Variants in MACROD2 observed in about 807,000 individuals in gnomAD.
MACROD2 encodes ADP-ribose glycohydrolase MACROD2.
A neutral mutation model predicts 70.4 loss-of-function variants in MACROD2; 36 were observed. That is an observed-to-expected ratio of 0.51 (90% CI 0.39 to 0.68). MACROD2 has a LOEUF of 0.68. Ranked by LOEUF, MACROD2 falls within the 30% of genes least tolerant of loss-of-function variation. MACROD2 has a pLI of 0.00. For missense variants in MACROD2, 496 were observed against 538.4 expected (o/e 0.92, Z 0.78); for synonymous variants, 172 against 178.8 (o/e 0.96, Z 0.30).
intron 2 of MACROD2, chr20:14,003,697 T>G (rs1249627124): frequency 8.3e-6 from 4 of 482,122 alleles, no homozygotes; most frequent in Non-Finnish European, 1.7e-5. Context: ...GTCCCCACAG[T>G]GTAACAGGGT....
chr20:15,020,980 A>G (rs1211376037), intron 5 of MACROD2, among the ~76,000 whole-genome samples: 1 of 146,138 alleles, frequency 6.8e-6, no homozygotes, highest in Non-Finnish European at 1.5e-5. Flanking sequence ...ATACATATAC[A>G]CATGTGTGTA....
At chr20:15,201,273 G>A (rs2076653665) in intron 5 of MACROD2, among the ~76,000 whole-genome samples, 1 of 152,036 alleles carries the variant, frequency 6.6e-6, no homozygotes, top group African/African-American at 2.4e-5. Flanking sequence ...TAAGCCAAAT[G>A]ATGAGTGCCC....
chr20:14,033,516 A>C (rs1412771620), intron 2 of MACROD2, among the ~76,000 whole-genome samples: 1 of 152,200 alleles, frequency 6.6e-6, no homozygotes, highest in Admixed American at 6.5e-5. Flanking sequence ...TATTCTATTA[A>C]AACATCCTGT....
chr20:14,686,121 G>A (rs1568738450), intron 5 of MACROD2, among the ~76,000 whole-genome samples: 1 of 152,038 alleles, frequency 6.6e-6, no homozygotes. Flanking sequence ...GCGATGCTTT[G>A]GTCAATGATG....
intron 6 of MACROD2, among the ~76,000 whole-genome samples, chr20:15,324,792 C>T (rs2146177957): frequency 6.6e-6 from 1 of 152,192 alleles, no homozygotes; most frequent in Admixed American, 6.5e-5. Context: ...TGGTCTTTAG[C>T]ACAATTAAAG....
intron 8 of MACROD2, among the ~76,000 whole-genome samples, chr20:15,686,673 G>A (rs538000970): frequency 6.6e-6 from 1 of 152,164 alleles, no homozygotes; most frequent in East Asian, 1.9e-4. Flanking sequence ...AGGAGTTCGA[G>A]ACCAGCCTGG....
chr20:14,573,902 T>C lies in MACROD2; in HGVS notation c.301+80394T>C, dbSNP rs571894184. ...AGAAGAGTTCCAAAGTCCAGAGGAATGGCTTGTTCCAGTTATGGGATCCCT... is the reference window on the plus strand; with the variant it reads ...AGAAGAGTTCCAAAGTCCAGAGGAACGGCTTGTTCCAGTTATGGGATCCCT... On this transcript the variant is annotated intron_variant, in intron 4 of 17. Transcript: ENST00000684519. 2.6e-5 allele frequency among the ~76,000 whole-genome samples: 4 copies of C among 152,276 alleles called. No individual in the cohort carries two copies. In the South Asian group the frequency reaches 8.3e-4, roughly 32 times the overall value.
intron 3 of MACROD2, among the ~76,000 whole-genome samples, chr20:14,483,653 G>A (rs1195859102): frequency 2.0e-5 from 3 of 152,252 alleles, no homozygotes; most frequent in Non-Finnish European, 2.9e-5. Flanking sequence ...TGATCCACCC[G>A]CCTTGGCCTC....
At chr20:14,243,871 A>G (rs911402635) in intron 3 of MACROD2, among the ~76,000 whole-genome samples, 3 of 152,218 alleles carry the variant, frequency 2.0e-5, no homozygotes, top group Non-Finnish European at 4.4e-5. Context: ...GAAATTCCAT[A>G]TAAGTTGTTT....
intron 4 of MACROD2, among the ~76,000 whole-genome samples, chr20:14,674,616 C>T (rs1350523704): frequency 2.0e-5 from 3 of 152,274 alleles, no homozygotes; most frequent in African/African-American, 7.2e-5. Flanking sequence ...CTTTCTACTT[C>T]GTAACACTAC....
chr20:14,411,919 G>A lies in MACROD2; in HGVS notation c.272-81560G>A, dbSNP rs189835091. Among the ~76,000 whole-genome samples the A allele has an allele frequency of 1.1e-3, 167 of 152,050 alleles. 1 individual carries two copies. Among genetic ancestry groups the A allele is most frequent in the African/African-American group, 3.6e-3 (151 of 41,482 alleles). On this transcript the variant is annotated intron_variant, in intron 3 of 17. Coordinates refer to ENST00000684519, the MANE Select transcript of MACROD2 (RefSeq NM_001351661.2). ...CACTCTCTTAAAACCAGTGGAAGAC[G>A]GAATTTTCTATTATTTTATTATACA...
chr20:15,274,386 A>G (rs1331023900), intron 6 of MACROD2, among the ~76,000 whole-genome samples: 2 of 152,192 alleles, frequency 1.3e-5, no homozygotes, highest in African/African-American at 4.8e-5. Flanking sequence ...ACATATGCAA[A>G]TGGTTCTGAG....
At chr20:15,220,313 A>G (rs2076848377) in intron 5 of MACROD2, among the ~76,000 whole-genome samples, 1 of 152,250 alleles carries the variant, frequency 6.6e-6, no homozygotes, top group Non-Finnish European at 1.5e-5. Flanking sequence ...AATCACCCAC[A>G]GATTCACTAA....
chr20:14,760,514 A>G (rs1405639734), intron 5 of MACROD2, among the ~76,000 whole-genome samples: 1 of 152,132 alleles, frequency 6.6e-6, no homozygotes, highest in Non-Finnish European at 1.5e-5. Flanking sequence ...TTATTACTGA[A>G]CACAGTCCTC....
intron 3 of MACROD2, among the ~76,000 whole-genome samples, chr20:14,347,285 A>G (rs2083073700): frequency 6.6e-6 from 1 of 152,208 alleles, no homozygotes; most frequent in African/African-American, 2.4e-5. Context: ...ATTCTCTAGG[A>G]ACATTCATAA....
chr20:15,983,270 T>C lies in MACROD2; in HGVS notation c.986-3457T>C, dbSNP rs147184718. Among the ~76,000 whole-genome samples, 436 of 152,322 alleles carry C rather than the reference T, an allele frequency of 2.9e-3. 4 individuals are homozygous for C. The highest frequency in any genetic ancestry group is 0.025 in the South Asian group (119 of 4,824). Reference sequence around the variant, plus strand: ...ATAGATGTGAGAGTTGAAAGACCTATAAGGGGCTTCTCTGGCTTTACGATG... The same window carrying C: ...ATAGATGTGAGAGTTGAAAGACCTACAAGGGGCTTCTCTGGCTTTACGATG... On this transcript the variant is annotated intron_variant, in intron 13 of 17. Transcript: ENST00000684519.
At chr20:15,981,398 G>C (rs915664434) in intron 13 of MACROD2, among the ~76,000 whole-genome samples, 1 of 152,102 alleles carries the variant, frequency 6.6e-6, no homozygotes, top group East Asian at 1.9e-4. Flanking sequence ...TTTTGTTGTT[G>C]TTGTTGTTGT....
intron 4 of MACROD2, among the ~76,000 whole-genome samples, chr20:14,594,658 C>T (rs572452430): frequency 6.8e-4 from 104 of 152,308 alleles, no homozygotes; most frequent in African/African-American, 2.5e-3. Flanking sequence ...CTCTGGGAGG[C>T]CAAGGCAGGC....
intron 3 of MACROD2, among the ~76,000 whole-genome samples, chr20:14,368,404 G>A (rs1240208711): frequency 6.6e-6 from 1 of 152,068 alleles, no homozygotes; most frequent in African/African-American, 2.4e-5. Flanking sequence ...TTAGCTGAGT[G>A]CGGTGGCGGG....
Sources: allele counts gnomAD v4.1 joint callset (sites outside exome capture counted in the v4.1 genomes callset), GRCh38; gene constraint gnomAD v4.1.1; transcripts MANE v1.5; gene names NCBI Gene and HGNC (gene_info 2026-07-23, HGNC 2026-07-21).